The following ANKRD30BL variants were observed in gnomAD, a reference collection of about 807,000 sequenced individuals.
The protein encoded by ANKRD30BL is ankyrin repeat domain 30B like.
ANKRD30BL carries 20 observed loss-of-function variants against 18.4 expected under a neutral mutation model. The ratio of observed to expected loss-of-function variants is 1.09; its 90% CI spans 0.77 to 1.58. The LOEUF (loss-of-function observed/expected upper bound fraction) is 1.58. Among genes scored for constraint, ANKRD30BL ranks in the 40% most tolerant of loss-of-function variants. The probability of loss-of-function intolerance (pLI) is 0.00; values close to 1 mark genes in which losing one functional copy is unlikely to be tolerated. For synonymous variants in ANKRD30BL, 72 were observed against 100.9 expected, an observed-to-expected ratio of 0.71 and a Z score of 1.72; for missense variants, 224 against 268.6, an observed-to-expected ratio of 0.83 and a Z score of 1.16.
intron 1 of ANKRD30BL, among the ~76,000 whole-genome samples, chr2:132,231,887 G>A (rs1291691459): frequency 6.6e-6 from 1 of 152,228 alleles, no homozygotes; most frequent in Non-Finnish European, 1.5e-5. Flanking sequence ...CTGGGGGAAG[G>A]GCACAGACAA....
At chr2:132,156,008 T>A (rs1687894400) in intron 3 of ANKRD30BL, 1 of 152,148 alleles carries the variant, frequency 6.6e-6, no homozygotes, top group Non-Finnish European at 1.5e-5. Context: ...TAAAATGCAA[T>A]AATCCACTTT....
chr2:132,225,920 T>C (rs1362889584), intron 1 of ANKRD30BL, among the ~76,000 whole-genome samples: 1 of 152,070 alleles, frequency 6.6e-6, no homozygotes, highest in Admixed American at 6.6e-5. Context: ...AACCTTTCTT[T>C]TGATAGAGAA....
rs1037862080 is a variant in ANKRD30BL, at chr2:132,156,982, C to T, written c.498G>A (p.Val166=). 2.5e-6 allele frequency: 3 copies of T among 1,193,228 alleles called. No individual in the cohort carries two copies. The highest frequency in any genetic ancestry group is 3.5e-6 in the Non-Finnish European group (3 of 849,644). 73.9% of individuals were successfully genotyped at this position (1,193,228 alleles called of 1,614,324 possible). The change falls in exon 3 of 6, where the codon GTG becomes GTA. Residue 166 remains valine (V), a synonymous_variant. Coordinates refer to ENST00000409867, the MANE Select transcript of ANKRD30BL (RefSeq NM_001358416.1). ...ATTGGTTAATGTCTACCTTGTTCTTCACTTCGATGTCTGCACCACAGGACA... is the reference window on the plus strand; with the variant it reads ...ATTGGTTAATGTCTACCTTGTTCTTTACTTCGATGTCTGCACCACAGGACA... The part of the protein sequence containing the change: ...KLLSCGADIE[V]KNKAGHTPLL...
intron 1 of ANKRD30BL, among the ~76,000 whole-genome samples, chr2:132,220,483 C>A (rs1385366018): frequency 6.6e-6 from 1 of 152,130 alleles, no homozygotes; most frequent in Admixed American, 6.6e-5. Flanking sequence ...CCTGCCTCAG[C>A]CTGCCGAGTG....
intron 1 of ANKRD30BL, among the ~76,000 whole-genome samples, chr2:132,239,022 A>G (rs1433346257): frequency 6.6e-6 from 1 of 152,154 alleles, no homozygotes; most frequent in Non-Finnish European, 1.5e-5. Context: ...TTCAACTCAC[A>G]CTGTTGAACA....
At chr2:132,225,896 A>G (rs1679831824) in intron 1 of ANKRD30BL, among the ~76,000 whole-genome samples, 1 of 152,088 alleles carries the variant, frequency 6.6e-6, no homozygotes, top group South Asian at 2.1e-4. Context: ...GTGTGCATTC[A>G]ACTCACAGAG....
At chr2:132,233,647 C>A (rs200179297) in intron 1 of ANKRD30BL, among the ~76,000 whole-genome samples, 122 of 150,698 alleles carry the variant, frequency 8.1e-4, no homozygotes, top group African/African-American at 2.8e-3. Flanking sequence ...TATCCTAAAT[C>A]TATATGCACC....
chr2:132,157,243 A>G, intron 2 of ANKRD30BL, 66 bp downstream of exon 2: 1 of 970,196 alleles, frequency 1.0e-6, no homozygotes, highest in Non-Finnish European at 1.5e-6. Flanking sequence ...AATGAGATAG[A>G]TTCATTTTTA....
chr2:132,219,584 A>T (rs1442550837), intron 1 of ANKRD30BL, among the ~76,000 whole-genome samples: 13 of 152,248 alleles, frequency 8.5e-5, no homozygotes, highest in Middle Eastern at 3.4e-3. Context: ...CAGTTTTGAA[A>T]CCATCATTTT....
chr2:132,190,677 A>T (rs1678827570), intron 1 of ANKRD30BL, among the ~76,000 whole-genome samples: 1 of 152,206 alleles, frequency 6.6e-6, no homozygotes, highest in Non-Finnish European at 1.5e-5. Context: ...GAAATAGCCA[A>T]CTGGGTAAAC....
intron 1 of ANKRD30BL, among the ~76,000 whole-genome samples, chr2:132,211,761 A>G (rs1323516573): frequency 1.3e-5 from 2 of 151,218 alleles, no homozygotes; most frequent in African/African-American, 4.9e-5. Flanking sequence ...ACACAGAAGC[A>G]TTCTCTGAAA....
At chr2:132,230,917 C>T (rs1211240461) in intron 1 of ANKRD30BL, among the ~76,000 whole-genome samples, 1 of 152,012 alleles carries the variant, frequency 6.6e-6, no homozygotes, top group Non-Finnish European at 1.5e-5. Context: ...AGTTTTGAAA[C>T]ACTCTTTTTG....
intron 1 of ANKRD30BL, among the ~76,000 whole-genome samples, chr2:132,198,352 C>T (rs2104744747): frequency 1.8e-5 from 2 of 112,068 alleles, no homozygotes; most frequent in East Asian, 5.9e-4. Flanking sequence ...TAGACAGAGT[C>T]TCCCTCTGTC....
chr2:132,200,096 C>T (rs1679064917), intron 1 of ANKRD30BL, among the ~76,000 whole-genome samples: 1 of 152,050 alleles, frequency 6.6e-6, no homozygotes. Flanking sequence ...TTCAACAACC[C>T]TTCATGCTAA....
At chr2:132,239,319 G>A (rs1453576433) in intron 1 of ANKRD30BL, among the ~76,000 whole-genome samples, 1 of 151,922 alleles carries the variant, frequency 6.6e-6, no homozygotes, top group Admixed American at 6.6e-5. Flanking sequence ...CTAGACTGAA[G>A]CATACTCAGA....
At chr2:132,246,758 T>C (rs113011696) in intron 1 of ANKRD30BL, among the ~76,000 whole-genome samples, 2 of 151,498 alleles carry the variant, frequency 1.3e-5, no homozygotes, top group African/African-American at 4.8e-5. Flanking sequence ...GTGGAATCTG[T>C]AATTGGAAAT....
intron 1 of ANKRD30BL, among the ~76,000 whole-genome samples, chr2:132,222,304 T>G (rs1289623767): frequency 6.6e-6 from 1 of 152,024 alleles, no homozygotes; most frequent in Non-Finnish European, 1.5e-5. Context: ...GAGGAGCCCC[T>G]CTGCCCGGCC....
At chr2:132,235,119 CT>C (rs1264015349) in intron 1 of ANKRD30BL, among the ~76,000 whole-genome samples, 2 of 152,108 alleles carry the variant, frequency 1.3e-5, no homozygotes, top group Non-Finnish European at 2.9e-5. Flanking sequence ...CAGAAAAAGC[CT>C]TTGACAAAAT....
intron 1 of ANKRD30BL, among the ~76,000 whole-genome samples, chr2:132,205,530 G>A (rs940441906): frequency 3.3e-5 from 5 of 151,666 alleles, no homozygotes; most frequent in African/African-American, 7.3e-5. Flanking sequence ...GAACCTGGGA[G>A]GCGGAGGTTG....
Sources: allele counts gnomAD v4.1 joint callset (sites outside exome capture counted in the v4.1 genomes callset), GRCh38; gene constraint gnomAD v4.1.1; transcripts MANE v1.5; gene names NCBI Gene and HGNC (gene_info 2026-07-23, HGNC 2026-07-21).